PTPRD: variants seen among roughly 807,000 people sequenced by gnomAD.
PTPRD encodes protein tyrosine phosphatase receptor type D.
A neutral mutation model predicts 214.5 loss-of-function variants in PTPRD; 34 were observed. The observed-to-expected ratio is 0.16, with a 90% CI of 0.12 to 0.21. The LOEUF is 0.21. PTPRD is among the 10% of genes least tolerant of loss of function. The probability of loss-of-function intolerance (pLI) is 1.00; values close to 1 mark genes in which losing one functional copy is unlikely to be tolerated. For missense variants in PTPRD, 2,545 were observed against 2,398.7 expected (o/e 1.06, Z -1.27); for synonymous variants, 1,128 against 845.7 (o/e 1.33, Z -5.79).
intron 9 of PTPRD, among the ~76,000 whole-genome samples, chr9:9,274,044 A>G (rs994185891): frequency 8.6e-5 from 13 of 151,236 alleles, no homozygotes; most frequent in African/African-American, 2.9e-4. Context: ...TGCCTCTTTT[A>G]TGAACAGGTC....
chr9:8,480,852 G>A (rs997992642), intron 30 of PTPRD, among the ~76,000 whole-genome samples: 1 of 152,076 alleles, frequency 6.6e-6, no homozygotes, highest in Admixed American at 6.5e-5. Flanking sequence ...CTAGATAATA[G>A]AAGAAGGGCC....
At chr9:9,630,251 T>G (rs2095547970) in intron 7 of PTPRD, among the ~76,000 whole-genome samples, 1 of 152,190 alleles carries the variant, frequency 6.6e-6, no homozygotes, top group South Asian at 2.1e-4. Context: ...CCATTTTCAT[T>G]TAGGTCATAG....
At chr9:10,134,174 C>T (rs750048581) in intron 3 of PTPRD, among the ~76,000 whole-genome samples, 66 of 152,244 alleles carry the variant, frequency 4.3e-4, no homozygotes, top group African/African-American at 1.5e-3. Flanking sequence ...ACATATACCA[C>T]AACCAACTCT....
At chr9:10,523,543 G>T (rs145387735) in intron 2 of PTPRD, among the ~76,000 whole-genome samples, 98 of 140,402 alleles carry the variant, frequency 7.0e-4, no homozygotes, top group African/African-American at 2.4e-3. Context: ...AGGTAGAACT[G>T]TAAGAAAAAA....
intron 10 of PTPRD, among the ~76,000 whole-genome samples, chr9:9,097,814 C>G (rs960446043): frequency 3.3e-5 from 5 of 151,666 alleles, no homozygotes; most frequent in African/African-American, 7.3e-5. Flanking sequence ...CTATTTTTCA[C>G]GGATGCTTGT....
At chr9:10,461,963 T>C (rs1027044472) in intron 2 of PTPRD, among the ~76,000 whole-genome samples, 2 of 152,048 alleles carry the variant, frequency 1.3e-5, no homozygotes, top group African/African-American at 2.4e-5. Flanking sequence ...ATCAAATATA[T>C]AGAGATGGAA....
intron 5 of PTPRD, among the ~76,000 whole-genome samples, chr9:9,807,991 G>A (rs1385029032): frequency 6.6e-6 from 1 of 152,120 alleles, no homozygotes; most frequent in African/African-American, 2.4e-5. Context: ...AATTAAATGA[G>A]TGCTGATGGT....
chr9:8,760,400 T>C (rs2094336761), intron 11 of PTPRD, among the ~76,000 whole-genome samples: 1 of 152,216 alleles, frequency 6.6e-6, no homozygotes, highest in Admixed American at 6.5e-5. Flanking sequence ...GCTGCTAATC[T>C]CTATTTTAAA....
At chr9:10,537,113 G>A (rs180956875) in intron 2 of PTPRD, among the ~76,000 whole-genome samples, 1 of 152,090 alleles carries the variant, frequency 6.6e-6, no homozygotes, top group Non-Finnish European at 1.5e-5. Context: ...AAAAACTATA[G>A]GACTATTGTC....
intron 8 of PTPRD, among the ~76,000 whole-genome samples, chr9:9,560,936 G>A (rs977289778): frequency 2.0e-5 from 3 of 152,104 alleles, no homozygotes; most frequent in African/African-American, 7.2e-5. Flanking sequence ...AAGCCGAGCT[G>A]TGTCCTGGCT....
chr9:10,606,336 C>G (rs10809133), intron 2 of PTPRD, among the ~76,000 whole-genome samples: 16,176 of 151,748 alleles, frequency 0.11, 1,155 homozygotes, highest in Admixed American at 0.21. Flanking sequence ...CCATTCTCTA[C>G]CCCCTCCATC....
intron 2 of PTPRD, among the ~76,000 whole-genome samples, chr9:10,431,948 G>C (rs1438567431): frequency 6.6e-6 from 1 of 151,946 alleles, no homozygotes; most frequent in Non-Finnish European, 1.5e-5. Flanking sequence ...TATACCCAAA[G>C]GACTATAAAT....
At chr9:9,717,331 C>T (rs553851536) in intron 7 of PTPRD, among the ~76,000 whole-genome samples, 16 of 152,180 alleles carry the variant, frequency 1.1e-4, no homozygotes, top group African/African-American at 2.4e-4. Flanking sequence ...CTTGGTAATG[C>T]GGGCTCTTTT....
In PTPRD at chr9:10,244,377, G is replaced by A. The variant is rs566982437; in HGVS notation, c.-545+96586C>T. Among the ~76,000 whole-genome samples, 6 of 152,182 alleles carry A rather than the reference G, an allele frequency of 3.9e-5. No individual in the cohort carries two copies. The East Asian group carries it at 1.2e-3, about 29-fold the overall frequency. On this transcript the variant is annotated intron_variant, in intron 3 of 45. Coordinates refer to ENST00000381196, the MANE Select transcript of PTPRD (RefSeq NM_002839.4). ...CCACAATGCACTGTACATGGTAGAT[G>A]GTTGATAAAGGTCTGTTAGACCCTG...
intron 3 of PTPRD, among the ~76,000 whole-genome samples, chr9:10,243,195 A>G (rs1003382214): frequency 3.9e-5 from 6 of 151,904 alleles, no homozygotes; most frequent in Non-Finnish European, 7.4e-5. Context: ...GCTTATTTCT[A>G]TCTGAAGTTG....
intron 5 of PTPRD, among the ~76,000 whole-genome samples, chr9:9,856,664 C>T (rs1209313154): frequency 1.3e-5 from 2 of 151,456 alleles, no homozygotes; most frequent in Non-Finnish European, 2.9e-5. Flanking sequence ...TTGTGAAAAC[C>T]TTTGGTGGGA....
chr9:9,577,861 C>T (rs1035491094), intron 7 of PTPRD, among the ~76,000 whole-genome samples: 2 of 151,974 alleles, frequency 1.3e-5, no homozygotes, highest in Middle Eastern at 3.4e-3. Context: ...GCCTGTCCAA[C>T]ATGGTGAAAC....
At position 9,617,442 on chromosome 9, in the gene PTPRD, A is replaced by C. The variant is rs1184870873; in HGVS notation, c.-286-42661T>G. ...ATAAAGTGTCATGAATGAACTATGC[A>C]CAATCTTTTACGGAAATAAGTAGGA... is the stretch of plus-strand genomic sequence containing the variant. On this transcript the variant is annotated intron_variant, in intron 7 of 45. Transcript: ENST00000381196. Among the ~76,000 whole-genome samples the C allele has an allele frequency of 2.6e-5, 4 of 152,320 alleles. No individual in the cohort carries two copies. In the East Asian group the frequency reaches 7.7e-4, roughly 29 times the overall value.
chr9:8,736,897 T>A (rs1185448122), intron 11 of PTPRD, among the ~76,000 whole-genome samples: 1 of 152,194 alleles, frequency 6.6e-6, no homozygotes, highest in Non-Finnish European at 1.5e-5. Flanking sequence ...GCTAAAGGAA[T>A]CAGCTCTCCC....
Sources: allele counts gnomAD v4.1 joint callset (sites outside exome capture counted in the v4.1 genomes callset), GRCh38; gene constraint gnomAD v4.1.1; transcripts MANE v1.5; gene names NCBI Gene and HGNC (gene_info 2026-07-23, HGNC 2026-07-21).